TASP1: variants seen among roughly 807,000 people sequenced by gnomAD.
TASP1 encodes the protein threonine aspartase 1.
Under a neutral mutation model 56.6 loss-of-function variants are expected in TASP1, and 16 were observed. The observed-to-expected ratio is 0.28, with a 90% confidence interval of 0.19 to 0.43. The LOEUF is 0.43. TASP1 is among the 20% of genes least tolerant of loss of function. TASP1 has a pLI of 1.00. For synonymous variants in TASP1, 179 were observed against 184.2 expected, an observed-to-expected ratio of 0.97 and a Z score of 0.23; for missense variants, 393 against 511.6, an observed-to-expected ratio of 0.77 and a Z score of 2.24.
At chr20:13,516,664 T>TC (rs1481000150) in intron 10 of TASP1, among the ~76,000 whole-genome samples, 1 of 151,168 alleles carries the variant, frequency 6.6e-6, no homozygotes, top group African/African-American at 2.4e-5. Flanking sequence ...CTTTGTTTTT[T>TC]TTTTTTTTTT....
the TASP1 span, among the ~76,000 whole-genome samples, chr20:13,181,409 G>T: frequency 1.3e-5 from 2 of 152,034 alleles, no homozygotes; most frequent in East Asian, 3.9e-4. Flanking sequence ...CCAAATCCTT[G>T]TCCCTGGGTC....
the TASP1 span, among the ~76,000 whole-genome samples, chr20:13,147,013 G>C: frequency 6.6e-6 from 1 of 152,170 alleles, no homozygotes; most frequent in Non-Finnish European, 1.5e-5. Context: ...TCTCATCCTT[G>C]CTTGGGGATT....
rs144973034 is a variant in TASP1 at position 13,399,792 on chromosome 20, G to C, written c.1171-9340C>G. Among the ~76,000 whole-genome samples, 686 of 152,234 alleles carry C rather than the reference G, an allele frequency of 4.5e-3. 3 individuals are homozygous for C. Among genetic ancestry groups the C allele is most frequent in the East Asian group, 0.01 (53 of 5,176 alleles). On this transcript the variant is annotated intron_variant, in intron 13 of 13. Coordinates refer to ENST00000337743, the MANE Select transcript of TASP1 (RefSeq NM_017714.3). Reference sequence around the variant, plus strand: ...TACTCCCCAGTGGCTCCCATTTCAGGGGAAAAGCCCAAATACTGACCATGG... The same window carrying C: ...TACTCCCCAGTGGCTCCCATTTCAGCGGAAAAGCCCAAATACTGACCATGG...
At chr20:13,326,202 A>C in the TASP1 span, among the ~76,000 whole-genome samples, 1 of 152,158 alleles carries the variant, frequency 6.6e-6, no homozygotes, top group Non-Finnish European at 1.5e-5. Context: ...GAGCTTGTTT[A>C]TCCACTCGCC....
intron 8 of TASP1, among the ~76,000 whole-genome samples, chr20:13,556,492 C>T (rs2046161324): frequency 6.6e-6 from 1 of 152,122 alleles, no homozygotes; most frequent in South Asian, 2.1e-4. Context: ...AGCCATTATT[C>T]TTGAATAAAA....
At chr20:13,308,933 AC>A in the TASP1 span, among the ~76,000 whole-genome samples, 2 of 152,016 alleles carry the variant, frequency 1.3e-5, no homozygotes, top group African/African-American at 4.8e-5. Flanking sequence ...CAGTCTATAA[AC>A]CAGAAGAGGA....
the TASP1 span, among the ~76,000 whole-genome samples, chr20:13,112,136 C>T: frequency 2.6e-5 from 4 of 152,190 alleles, no homozygotes; most frequent in Non-Finnish European, 4.4e-5. Context: ...CCCACGCTAC[C>T]GTGGGTTGTG....
chr20:13,284,671 A>G, the TASP1 span, among the ~76,000 whole-genome samples: 3 of 152,204 alleles, frequency 2.0e-5, no homozygotes, highest in Non-Finnish European at 2.9e-5. Context: ...CGGGACATTG[A>G]TGGGGGCCCG....
intron 10 of TASP1, among the ~76,000 whole-genome samples, chr20:13,512,573 GT>G (rs537319222): frequency 6.6e-6 from 1 of 151,916 alleles, no homozygotes; most frequent in Non-Finnish European, 1.5e-5. Context: ...TCTGATAGTA[GT>G]TTTTTTGCTG....
chr20:13,326,829 A>G, the TASP1 span, among the ~76,000 whole-genome samples: 1 of 152,352 alleles, frequency 6.6e-6, no homozygotes, highest in African/African-American at 2.4e-5. Flanking sequence ...AATAAGAGCC[A>G]TATATGGCAA....
At chr20:13,149,426 G>A in the TASP1 span, among the ~76,000 whole-genome samples, 12 of 152,334 alleles carry the variant, frequency 7.9e-5, no homozygotes, top group South Asian at 2.5e-3. Context: ...TTTGCATCCT[G>A]TTTAGATGAG....
chr20:13,342,563 G>A, the TASP1 span, among the ~76,000 whole-genome samples: 5 of 152,180 alleles, frequency 3.3e-5, no homozygotes, highest in African/African-American at 1.2e-4. Flanking sequence ...GCACAGGCAT[G>A]ACCTGCCAGG....
At chr20:13,188,915 A>G in the TASP1 span, among the ~76,000 whole-genome samples, 1 of 152,250 alleles carries the variant, frequency 6.6e-6, no homozygotes, top group Non-Finnish European at 1.5e-5. Flanking sequence ...GGCCAATCCC[A>G]GCGACCATTC....
At chr20:13,620,579 G>A (rs2048678972) in intron 4 of TASP1, among the ~76,000 whole-genome samples, 1 of 152,114 alleles carries the variant, frequency 6.6e-6, no homozygotes, top group African/African-American at 2.4e-5. Flanking sequence ...CTTAAGCTCA[G>A]TGGCAAGAAC....
chr20:13,534,654 T>TA (rs1346233931), intron 8 of TASP1, among the ~76,000 whole-genome samples: 1 of 152,202 alleles, frequency 6.6e-6, no homozygotes, highest in Non-Finnish European at 1.5e-5. Flanking sequence ...ATTTTTCTCT[T>TA]AGAGTTCCTT....
chr20:13,358,367 TG>T, the TASP1 span, among the ~76,000 whole-genome samples: 1 of 152,232 alleles, frequency 6.6e-6, no homozygotes, highest in Non-Finnish European at 1.5e-5. Flanking sequence ...GGACCTCCCT[TG>T]GGAGATCAAT....
the TASP1 span, among the ~76,000 whole-genome samples, chr20:13,253,877 A>ATG: frequency 7.1e-5 from 7 of 98,912 alleles, no homozygotes; most frequent in South Asian, 3.1e-4. Context: ...ATATATATAT[A>ATG]TGTGTGTGTG....
At chr20:13,324,655 CAAAAT>C in the TASP1 span, among the ~76,000 whole-genome samples, 2 of 152,134 alleles carry the variant, frequency 1.3e-5, no homozygotes, top group African/African-American at 4.8e-5. Context: ...AAATGAAAAA[CAAAAT>C]GATGCCTACA....
the TASP1 span, among the ~76,000 whole-genome samples, chr20:13,318,672 T>C: frequency 6.6e-6 from 1 of 152,194 alleles, no homozygotes; most frequent in Non-Finnish European, 1.5e-5. Flanking sequence ...TGCTAATAAG[T>C]GCTGGCTATC....
Sources: allele counts gnomAD v4.1 joint callset (sites outside exome capture counted in the v4.1 genomes callset), GRCh38; gene constraint gnomAD v4.1.1; transcripts MANE v1.5; gene names NCBI Gene and HGNC (gene_info 2026-07-23, HGNC 2026-07-21).